MED12L: variants seen among roughly 807,000 people sequenced by gnomAD.
The protein encoded by MED12L is mediator complex subunit 12L.
Under a neutral mutation model 281.3 loss-of-function variants are expected in MED12L, and 60 were observed. The ratio of observed to expected loss-of-function variants is 0.21; its 90% CI spans 0.17 to 0.26. The LOEUF (loss-of-function observed/expected upper bound fraction) is 0.26. Ranked by LOEUF, MED12L falls within the 10% of genes least tolerant of loss-of-function variation. MED12L has a pLI of 1.00. For missense variants in MED12L, 2,146 were observed against 2,680.9 expected (o/e 0.80, Z 4.41); for synonymous variants, 974 against 987.2 (o/e 0.99, Z 0.25).
At chr3:151,169,121 T>G (rs1721097517) in intron 11 of MED12L, among the ~76,000 whole-genome samples, 5 of 147,320 alleles carry the variant, frequency 3.4e-5, no homozygotes, top group Admixed American at 2.7e-4. Flanking sequence ...TTTTTTTTTT[T>G]GTTTTTTTTT....
intron 16 of MED12L, among the ~76,000 whole-genome samples, chr3:151,320,769 C>A (rs1748902377): frequency 6.6e-6 from 1 of 152,160 alleles, no homozygotes; most frequent in African/African-American, 2.4e-5. Context: ...AATCTATCTC[C>A]TTGCTTTGTA....
chr3:151,353,260 A>G (rs1298844531), intron 17 of MED12L, among the ~76,000 whole-genome samples: 2 of 152,212 alleles, frequency 1.3e-5, no homozygotes, highest in African/African-American at 2.4e-5. Flanking sequence ...GCACAAGACT[A>G]TTGATGTTAG....
At chr3:151,402,604 C>T (rs779317333) in intron 39 of MED12L, among the ~76,000 whole-genome samples, 1 of 152,200 alleles carries the variant, frequency 6.6e-6, no homozygotes, top group African/African-American at 2.4e-5. Flanking sequence ...TTGTTGGTCA[C>T]ATGGGGGTTC....
intron 33 of MED12L, among the ~76,000 whole-genome samples, chr3:151,383,401 T>A (rs1241816014): frequency 6.6e-6 from 1 of 152,244 alleles, no homozygotes; most frequent in Non-Finnish European, 1.5e-5. Flanking sequence ...CAATAGTAAT[T>A]GTACAGCAAA....
At chr3:151,414,270 CCTAAGGAGA>C (rs1408633751) in intron 42 of MED12L, among the ~76,000 whole-genome samples, 2 of 152,132 alleles carry the variant, frequency 1.3e-5, no homozygotes, top group Non-Finnish European at 2.9e-5. Context: ...CTGGAGATTT[CCTAAGGAGA>C]CTGTACAGTG....
intron 16 of MED12L, among the ~76,000 whole-genome samples, chr3:151,218,866 CAAAAAAAA>C (rs397686351): frequency 4.2e-5 from 3 of 71,330 alleles, no homozygotes; most frequent in Non-Finnish European, 8.4e-5. Context: ...GACTCAGTCT[CAAAAAAAA>C]AAAAAAAAAA....
chr3:151,308,810 C>G (rs530183294), intron 16 of MED12L, among the ~76,000 whole-genome samples: 16 of 152,148 alleles, frequency 1.1e-4, no homozygotes, highest in South Asian at 4.1e-4. Context: ...TCCATTAGAA[C>G]TGTTGTCAGG....
At position 151,185,335 on chromosome 3, in the gene MED12L, G is replaced by A. The variant is rs16863238; in HGVS notation, c.1500G>A (p.Ala500=). Residue 500 remains alanine (A), a synonymous_variant, in exon 12 of 45, where the codon GCG becomes GCA. Transcript: ENST00000687756. ...CCCTCTCTGTTGGTCATTAGGTTGC[G>A]CCCAACGATGAAGCTGTGGTGACGC... ...ANQNKDNQEV[A]PNDEAVVTLL... 0.021 allele frequency: 34,427 copies of A among 1,613,396 alleles called. 1,006 individuals are homozygous for A. Among genetic ancestry groups the A allele is most frequent in the East Asian group, 0.14 (6,277 of 44,840 alleles).
intron 11 of MED12L, among the ~76,000 whole-genome samples, chr3:151,180,734 A>G (rs1486343795): frequency 6.6e-6 from 1 of 152,224 alleles, no homozygotes; most frequent in Admixed American, 6.5e-5. Flanking sequence ...GTACCTTTCC[A>G]TATTCATTGG....
chr3:151,208,670 C>G (rs1726718125), intron 16 of MED12L, among the ~76,000 whole-genome samples: 1 of 152,080 alleles, frequency 6.6e-6, no homozygotes, highest in East Asian at 1.9e-4. Flanking sequence ...AAGAGCAAGA[C>G]TCTATGTCAA....
intron 8 of MED12L, among the ~76,000 whole-genome samples, chr3:151,163,331 C>CA (rs1210311240): frequency 6.6e-6 from 1 of 152,026 alleles, no homozygotes; most frequent in African/African-American, 2.4e-5. Flanking sequence ...ATTATTAAAA[C>CA]AAAAATGAAG....
At chr3:151,364,171 A>G (rs1467586024) in intron 21 of MED12L, among the ~76,000 whole-genome samples, 1 of 152,188 alleles carries the variant, frequency 6.6e-6, no homozygotes, top group Non-Finnish European at 1.5e-5. Flanking sequence ...CTAAGTTTAT[A>G]TAGAATCTGA....
intron 16 of MED12L, among the ~76,000 whole-genome samples, chr3:151,247,630 A>G (rs957714070): frequency 8.4e-6 from 1 of 118,590 alleles, no homozygotes; most frequent in Non-Finnish European, 1.8e-5. Context: ...GGGAGGGGGG[A>G]GGGATAGCAT....
At chr3:151,230,675 C>T (rs1425617748) in intron 16 of MED12L, among the ~76,000 whole-genome samples, 1 of 151,762 alleles carries the variant, frequency 6.6e-6, no homozygotes, top group African/African-American at 2.4e-5. Context: ...TTTCTAAGGG[C>T]TACTTCCCTT....
intron 21 of MED12L, among the ~76,000 whole-genome samples, chr3:151,361,471 A>G (rs1410444743): frequency 3.3e-5 from 5 of 152,148 alleles, no homozygotes; most frequent in Admixed American, 6.5e-5. Flanking sequence ...GGTACTGTAA[A>G]TTCTGCAGTT....
intron 16 of MED12L, among the ~76,000 whole-genome samples, chr3:151,331,824 T>G (rs752929767): frequency 2.0e-5 from 3 of 152,146 alleles, no homozygotes; most frequent in Non-Finnish European, 2.9e-5. Flanking sequence ...ATTTTTAGAG[T>G]TGAGAAAAAA....
intron 16 of MED12L, chr3:151,270,242 T>TGTGTGTGTGTGTGTG (rs1553764758): frequency 1.1e-3 from 171 of 155,122 alleles, no homozygotes; most frequent in Middle Eastern, 3.1e-3. Flanking sequence ...TGTGTGTGTG[T>TGTGTGTGTGTGTGTG]TTTCTTTTGG....
At chr3:151,347,111 A>AC (rs1752640055) in intron 16 of MED12L, among the ~76,000 whole-genome samples, 1 of 151,988 alleles carries the variant, frequency 6.6e-6, no homozygotes. Flanking sequence ...TTTGCTTCTT[A>AC]GTCTTCATTC....
chr3:151,338,883 T>C, intron 16 of MED12L: 1 of 1,598,310 alleles, frequency 6.3e-7, no homozygotes. Flanking sequence ...GAGAGGATGG[T>C]TATTTTCAGC....
Sources: allele counts gnomAD v4.1 joint callset (sites outside exome capture counted in the v4.1 genomes callset), GRCh38; gene constraint gnomAD v4.1.1; transcripts MANE v1.5; gene names NCBI Gene and HGNC (gene_info 2026-07-23, HGNC 2026-07-21).